FAM193A: variants seen among roughly 807,000 people sequenced by gnomAD.
The protein encoded by FAM193A is protein FAM193A.
In FAM193A, 22 loss-of-function variants were observed where a neutral mutation model predicts 126.5. That is an observed-to-expected ratio of 0.17 (90% CI 0.12 to 0.25). FAM193A has a LOEUF of 0.25. Among genes scored for constraint, FAM193A ranks in the 10% least tolerant of loss-of-function variants. The pLI, the probability that FAM193A is intolerant of heterozygous loss-of-function variation, is 1.00. For synonymous variants in FAM193A, 761 were observed against 646.8 expected, an observed-to-expected ratio of 1.18 and a Z score of -2.68; for missense variants, 1,675 against 1,672.8, an observed-to-expected ratio of 1.00 and a Z score of -0.02.
In FAM193A at chr4:2,642,308, AAC is replaced by A. The variant is rs1310530091; in HGVS notation, c.1163+2455_1163+2456del. Among the ~76,000 whole-genome samples, 3 of 152,068 alleles carry A rather than the reference AAC, an allele frequency of 2.0e-5. 1 individual carries two copies. Among genetic ancestry groups the A allele is most frequent in the South Asian group, 4.2e-4 (2 of 4,802 alleles). ...ACAGAGCGAGACTCCATCTCAAAAA[AAC>A]ACACAAAAAAATCAGAACAAGGTGT... On this transcript the variant is annotated intron_variant, in intron 6 of 20. Transcript: ENST00000637812.
At chr4:2,679,633 C>T (rs1386421302) in intron 13 of FAM193A, among the ~76,000 whole-genome samples, 1 of 152,000 alleles carries the variant, frequency 6.6e-6, no homozygotes, top group African/African-American at 2.4e-5. Flanking sequence ...CCGCCTCGGT[C>T]TCCCAAAGTG....
At chr4:2,595,738 T>C (rs142954296) in intron 1 of FAM193A, among the ~76,000 whole-genome samples, 77 of 152,306 alleles carry the variant, frequency 5.1e-4, no homozygotes, top group Non-Finnish European at 2.6e-4. Context: ...GCCTCTAGAA[T>C]AGTAGTTTCA....
intron 19 of FAM193A, among the ~76,000 whole-genome samples, chr4:2,708,755 C>G (rs1199647997): frequency 6.6e-6 from 1 of 152,108 alleles, no homozygotes; most frequent in Non-Finnish European, 1.5e-5. Context: ...TGAGCCCCCT[C>G]GCCCTGCCTG....
intron 12 of FAM193A, among the ~76,000 whole-genome samples, chr4:2,671,457 C>G (rs1317512279): frequency 6.6e-6 from 1 of 152,152 alleles, no homozygotes; most frequent in East Asian, 1.9e-4. Flanking sequence ...TCACAGAACT[C>G]CTGTGCCCAC....
At chr4:2,547,604 C>CTGTGTGTGTGTG (rs34348453) in intron 1 of FAM193A, among the ~76,000 whole-genome samples, 2 of 144,926 alleles carry the variant, frequency 1.4e-5, no homozygotes, top group South Asian at 4.4e-4. Flanking sequence ...GTGTGTGTGT[C>CTGTGTGTGTGTG]TGTGTGTGTG....
intron 1 of FAM193A, among the ~76,000 whole-genome samples, chr4:2,581,948 T>A (rs994652729): frequency 2.6e-5 from 4 of 152,146 alleles, no homozygotes; most frequent in African/African-American, 9.7e-5. Flanking sequence ...CCACCGCACC[T>A]GGCTCTTCTC....
intron 15 of FAM193A, among the ~76,000 whole-genome samples, chr4:2,693,022 G>A (rs755325400): frequency 6.6e-6 from 1 of 152,022 alleles, no homozygotes; most frequent in Non-Finnish European, 1.5e-5. Flanking sequence ...GGACAACATA[G>A]TGAGACACTG....
chr4:2,588,028 G>C (rs897421636), intron 1 of FAM193A, among the ~76,000 whole-genome samples: 1 of 152,200 alleles, frequency 6.6e-6, no homozygotes, highest in Non-Finnish European at 1.5e-5. Flanking sequence ...GGATGTGTGG[G>C]AGCTGTGAAA....
Position 2,690,821 on chromosome 4 carries a change from G to T in FAM193A, c.2654G>T (p.Cys885Phe). The change falls in exon 15 of 21, where the codon TGT becomes TTT. Residue 885 changes from cysteine to phenylalanine, a missense_variant. Cys to Phe is a radical substitution (Grantham distance 205, BLOSUM62 -2). Coordinates refer to ENST00000637812, the MANE Select transcript of FAM193A (RefSeq NM_001366318.2). ...KEKKNAAKKK[C>F]LYNFQDAFME... is the part of the protein sequence containing the mutation. ...AAAAAGAATGCTGCAAAAAAGAAATGTTTATACAATTTCCAAGATGCTTTC... is the reference window on the plus strand; with the variant it reads ...AAAAAGAATGCTGCAAAAAAGAAATTTTTATACAATTTCCAAGATGCTTTC... 1 of 1,614,142 alleles carries T rather than the reference G, an allele frequency of 6.2e-7. No individual in the cohort carries two copies. The highest frequency in any genetic ancestry group is 8.5e-7 in the Non-Finnish European group (1 of 1,180,018).
rs1353763917 is a variant in FAM193A, at chr4:2,731,989, C to G, written c.*121C>G. ...TGCCAAGGGCTGTGCGGAGCTGGTG[C>G]TGCCTGAAACCCCAGACCGAGAAGT... On this transcript the variant is annotated 3_prime_UTR_variant, in exon 21 of 21. Coordinates refer to ENST00000637812, the MANE Select transcript of FAM193A (RefSeq NM_001366318.2). 1 of 777,832 alleles carries G rather than the reference C, an allele frequency of 1.3e-6. No homozygotes were observed. The highest frequency in any genetic ancestry group is 2.2e-6 in the Non-Finnish European group (1 of 447,098). 48.2% of individuals were successfully genotyped at this position (777,832 alleles called of 1,614,324 possible). A position where few individuals can be genotyped will look rare whatever the true frequency, so the allele number is the denominator to read the frequency against.
chr4:2,636,000 A>ATTTTTTTT (rs796940676), intron 5 of FAM193A, among the ~76,000 whole-genome samples: 1 of 144,938 alleles, frequency 6.9e-6, no homozygotes, highest in African/African-American at 2.5e-5. Context: ...AAAAGGACGA[A>ATTTTTTTT]TTTTTTTTTT....
chr4:2,722,161 G>A (rs1720236929), intron 20 of FAM193A, among the ~76,000 whole-genome samples: 1 of 152,210 alleles, frequency 6.6e-6, no homozygotes, highest in Admixed American at 6.6e-5. Context: ...TTTGTGACCT[G>A]GGGGTGCTGT....
chr4:2,545,920 C>T (rs868441852), intron 1 of FAM193A, among the ~76,000 whole-genome samples: 10 of 152,054 alleles, frequency 6.6e-5, no homozygotes, highest in African/African-American at 1.7e-4. Flanking sequence ...GAGGCTGAGG[C>T]GGGCGGATTA....
At chr4:2,729,100 A>T (rs1385071474) in intron 20 of FAM193A, among the ~76,000 whole-genome samples, 1 of 151,936 alleles carries the variant, frequency 6.6e-6, no homozygotes, top group African/African-American at 2.4e-5. Flanking sequence ...CTGCCTCTCT[A>T]AAATAATAAT....
At chr4:2,590,473 A>C (rs1740476321) in intron 1 of FAM193A, among the ~76,000 whole-genome samples, 3 of 79,870 alleles carry the variant, frequency 3.8e-5, no homozygotes, top group Middle Eastern at 5.8e-3. Flanking sequence ...CAAAAAAAAA[A>C]AACAAAAAAA....
rs1465801288 is a variant in FAM193A at position 2,625,385 on chromosome 4, A to T, written c.625A>T (p.Ser209Cys). 1.4e-6 allele frequency: 1 copy of T among 702,502 alleles called. No individual in the cohort carries two copies. Among genetic ancestry groups the T allele is most frequent in the Non-Finnish European group, 2.6e-6 (1 of 384,622 alleles). The allele number at this position is 702,502 out of a possible 1,614,324, so 43.5% of individuals were successfully genotyped here. Residue 209 changes from serine to cysteine, a missense_variant, in exon 3 of 21, where the codon AGT (serine) becomes TGT (cysteine). This residue lies in a region of FAM193A where 1,186 missense variants were observed against 1,109.2 expected (regional missense o/e 1.07). Coordinates refer to ENST00000637812, the MANE Select transcript of FAM193A (RefSeq NM_001366318.2). Reference protein sequence around the residue: ...SDTACSCEACSERREISAEAD... With the variant: ...SDTACSCEACCERREISAEAD... The stretch of plus-strand genomic sequence containing the variant: ...CACCGCATGCTCGTGCGAGGCCTGC[A>T]GTGAGCGCAGGTATGTGACGTGTGT...
chr4:2,632,681 G>A (rs1743710344), intron 5 of FAM193A, among the ~76,000 whole-genome samples: 1 of 151,186 alleles, frequency 6.6e-6, no homozygotes, highest in South Asian at 2.1e-4. Context: ...AATGGGTAGG[G>A]TGAGGGGTGG....
At chr4:2,696,299 TG>T in intron 17 of FAM193A, 63 bp from the exon 18 acceptor site, 1 of 1,037,078 alleles carries the variant, frequency 9.6e-7, no homozygotes, top group Non-Finnish European at 1.5e-6. Context: ...TTTGGAGGTG[TG>T]GTCTGAAATT....
At position 2,593,080 on chromosome 4, in the gene FAM193A, G is replaced by A. The variant is rs192222601; in HGVS notation, c.256-3004G>A. On this transcript the variant is annotated intron_variant, in intron 1 of 20. Transcript: ENST00000637812. ...ACTCTTCCCAAACAACCCTCCTATG[G>A]CCCATGACGAAGCTCAGATACTGAA... 1.6e-3 allele frequency among the ~76,000 whole-genome samples: 238 copies of A among 152,202 alleles called. 1 individual carries two copies. Among genetic ancestry groups the A allele is most frequent in the Non-Finnish European group, 2.1e-3 (143 of 68,000 alleles).
Sources: allele counts gnomAD v4.1 joint callset (sites outside exome capture counted in the v4.1 genomes callset), GRCh38; gene constraint gnomAD v4.1.1; regional missense constraint gnomAD v4.1.1; transcripts MANE v1.5; gene names NCBI Gene and HGNC (gene_info 2026-07-23, HGNC 2026-07-21).